Variants in NSUN6 observed in about 807,000 individuals in gnomAD.
NSUN6 encodes the protein NOP2/Sun RNA methyltransferase 6.
A neutral mutation model predicts 58.0 loss-of-function variants in NSUN6; 64 were observed. The observed-to-expected ratio is 1.10, with a 90% CI of 0.90 to 1.36. The LOEUF (loss-of-function observed/expected upper bound fraction) is 1.36. Ranked by LOEUF, NSUN6 falls within the 40% of genes most tolerant of loss-of-function variation. The pLI is 0.00. For missense variants in NSUN6, 701 were observed against 550.1 expected (o/e 1.27, Z -2.74); for synonymous variants, 231 against 193.9 (o/e 1.19, Z -1.59).
chr10:18,597,131 G>T (rs1037071937), intron 6 of NSUN6, among the ~76,000 whole-genome samples: 1 of 151,972 alleles, frequency 6.6e-6, no homozygotes, highest in Non-Finnish European at 1.5e-5. Flanking sequence ...ATATTATGAG[G>T]TTATACAACC....
At chr10:18,604,547 C>A (rs1189884419) in intron 6 of NSUN6, among the ~76,000 whole-genome samples, 1 of 152,068 alleles carries the variant, frequency 6.6e-6, no homozygotes, top group Non-Finnish European at 1.5e-5. Context: ...TCAGAATCTG[C>A]ATTTTAACAA....
At chr10:18,600,963 T>TATATAC (rs1564785011) in intron 6 of NSUN6, among the ~76,000 whole-genome samples, 3 of 71,506 alleles carry the variant, frequency 4.2e-5, no homozygotes, top group African/African-American at 1.4e-4. Context: ...TATATATACA[T>TATATAC]ATATATATAT....
At chr10:18,546,189 TAGCA>T (rs772663395) in intron 10 of NSUN6, 44 bp from the exon 11 acceptor site, 65 of 1,288,830 alleles carry the variant, frequency 5.0e-5, no homozygotes, top group Non-Finnish European at 7.2e-5. Context: ...ATCCTGTAAT[TAGCA>T]AGTATGACTG....
intron 3 of NSUN6, among the ~76,000 whole-genome samples, chr10:18,642,159 G>A (rs1156831193): frequency 1.3e-5 from 2 of 151,652 alleles, no homozygotes; most frequent in African/African-American, 4.8e-5. Context: ...TTTTAATTTA[G>A]CACTGAAAAT....
chr10:18,584,064 C>A (rs1030180202), intron 8 of NSUN6, among the ~76,000 whole-genome samples: 1 of 152,144 alleles, frequency 6.6e-6, no homozygotes, highest in Non-Finnish European at 1.5e-5. Flanking sequence ...GCAGACCAAA[C>A]CATACTGGCC....
chr10:18,575,306 G>A lies in NSUN6; in HGVS notation c.922+10643C>T, dbSNP rs143866736. Among the ~76,000 whole-genome samples, 251 of 152,268 alleles carry A rather than the reference G, an allele frequency of 1.6e-3. 1 individual carries two copies. Among genetic ancestry groups the A allele is most frequent in the African/African-American group, 5.8e-3 (242 of 41,568 alleles). ...TTACCTCTCAGGTAAAGGAATCTGG[G>A]CTTAAGTTCAGTCCAAAGTATCCAA... On this transcript the variant is annotated intron_variant, in intron 8 of 10. Coordinates refer to ENST00000377304, the MANE Select transcript of NSUN6 (RefSeq NM_182543.5).
chr10:18,647,004 A>G (rs2059565255), intron 2 of NSUN6, among the ~76,000 whole-genome samples: 1 of 152,166 alleles, frequency 6.6e-6, no homozygotes, highest in Non-Finnish European at 1.5e-5. Flanking sequence ...TAAGATTATC[A>G]CTATCAATAA....
At chr10:18,610,494 T>C (rs1170428967) in intron 5 of NSUN6, among the ~76,000 whole-genome samples, 1 of 152,256 alleles carries the variant, frequency 6.6e-6, no homozygotes, top group East Asian at 1.9e-4. Flanking sequence ...ACAAATGTGT[T>C]TCTGTAGAGA....
intron 8 of NSUN6, among the ~76,000 whole-genome samples, chr10:18,571,600 TATTCCATTCCATTCTCCC>T (rs553731309): frequency 0.048 from 7,236 of 149,902 alleles, 261 homozygotes; most frequent in Non-Finnish European, 0.077. Flanking sequence ...TTCCATTCTC[TATTCCATTCCATTCTCCC>T]ATTCCATTCC....
intron 3 of NSUN6, among the ~76,000 whole-genome samples, chr10:18,632,406 G>A (rs1327531129): frequency 7.2e-6 from 1 of 138,904 alleles, no homozygotes; most frequent in Non-Finnish European, 1.6e-5. Flanking sequence ...TTGACAAATG[G>A]GATCTAATTA....
At chr10:18,609,996 C>T (rs560189435) in intron 5 of NSUN6, 70 bp from the exon 6 acceptor site, 24 of 933,210 alleles carry the variant, frequency 2.6e-5, no homozygotes, top group African/African-American at 2.0e-4. Flanking sequence ...TTTCCAGAAA[C>T]GTTCTCCAAT....
intron 7 of NSUN6, among the ~76,000 whole-genome samples, chr10:18,595,111 A>G (rs1194610625): frequency 6.6e-6 from 1 of 152,144 alleles, no homozygotes; most frequent in Non-Finnish European, 1.5e-5. Flanking sequence ...CAACCATCCA[A>G]GACCAAGTGA....
upstream of NSUN6, among the ~76,000 whole-genome samples, chr10:18,657,609 ATTTTAT>A (rs201907015): frequency 8.8e-3 from 1,337 of 151,660 alleles, 14 homozygotes; most frequent in South Asian, 0.033. Context: ...CATTTTCTTT[ATTTTAT>A]TTTTATTTTT....
At chr10:18,552,061 T>A in intron 8 of NSUN6, 90 bp from the exon 9 acceptor site, 1 of 761,454 alleles carries the variant, frequency 1.3e-6, no homozygotes. Flanking sequence ...AAAATCATAA[T>A]CTAGAATAAA....
chr10:18,568,234 T>C lies in NSUN6; in HGVS notation c.923-16263A>G, dbSNP rs1589889062. ...CCATTCCCGTCCATTATCCATTTCA[T>C]TCTCTACCATTCTCTGTTCCACTCC... On this transcript the variant is annotated intron_variant, in intron 8 of 10. Transcript: ENST00000377304. Among the ~76,000 whole-genome samples, 3 of 151,300 alleles carry C rather than the reference T, an allele frequency of 2.0e-5. No individual in the cohort carries two copies. In the Admixed American group the frequency reaches 2.0e-4, roughly 10 times the overall value.
chr10:18,555,595 G>A (rs1458013861), intron 8 of NSUN6, among the ~76,000 whole-genome samples: 3 of 148,600 alleles, frequency 2.0e-5, no homozygotes, highest in Middle Eastern at 3.7e-3. Context: ...GAAATGGAGT[G>A]GAGAATGGAA....
rs948299745 is a variant in NSUN6 at position 18,636,393 on chromosome 10, G to T, written c.311+6083C>A. Among the ~76,000 whole-genome samples the T allele has an allele frequency of 4.7e-5, 7 of 150,536 alleles. No homozygotes were observed. The South Asian group carries it at 6.3e-4, about 13-fold the overall frequency. ...AAAAAAAAACTGGCCGGCCATGGTG[G>T]CTGGCACTTATAATCCTAGCACTTT... On this transcript the variant is annotated intron_variant, in intron 3 of 10. Coordinates refer to ENST00000377304, the MANE Select transcript of NSUN6 (RefSeq NM_182543.5).
intron 3 of NSUN6, among the ~76,000 whole-genome samples, chr10:18,636,752 C>T (rs969790130): frequency 4.6e-5 from 7 of 151,602 alleles, no homozygotes; most frequent in Non-Finnish European, 5.9e-5. Context: ...ATTAGTCGGG[C>T]GTGGTGGCAC....
chr10:18,599,425 T>C (rs547816939), intron 6 of NSUN6, among the ~76,000 whole-genome samples: 1 of 152,318 alleles, frequency 6.6e-6, no homozygotes, highest in African/African-American at 2.4e-5. Flanking sequence ...ACAACTTTCC[T>C]TTATAATATT....
Sources: gnomAD v4.1 joint callset for allele counts (sites outside exome capture counted in the v4.1 genomes callset) on GRCh38, gnomAD v4.1.1 for gene constraint, MANE v1.5 for transcripts, NCBI Gene and HGNC (gene_info 2026-07-23, HGNC 2026-07-21) for gene names.